Variants in ATAD2B observed in about 807,000 individuals in gnomAD.
The protein encoded by ATAD2B is ATPase family AAA domain-containing protein 2B.
In ATAD2B, 40 loss-of-function variants were observed where a neutral mutation model predicts 167.6. That is an observed-to-expected ratio of 0.24 (90% CI 0.19 to 0.31). The LOEUF (loss-of-function observed/expected upper bound fraction) is 0.31. Among genes scored for constraint, ATAD2B ranks in the 10% least tolerant of loss-of-function variants. The probability of loss-of-function intolerance (pLI) is 1.00; values close to 1 mark genes in which losing one functional copy is unlikely to be tolerated. For synonymous variants in ATAD2B, 579 were observed against 596.5 expected, an observed-to-expected ratio of 0.97 and a Z score of 0.43; for missense variants, 1,242 against 1,757.2, an observed-to-expected ratio of 0.71 and a Z score of 5.24.
chr2:23,691,195 C>T, the ATAD2B span: 159,358 of 187,430 alleles, frequency 0.85, 70,225 homozygotes, highest in East Asian at 1. Flanking sequence ...GCCCTCGGTC[C>T]TGGGGCGATC....
intron 10 of ATAD2B, 30 bp from the exon 11 acceptor site, chr2:23,864,954 A>T (rs779275619): frequency 7.8e-7 from 1 of 1,284,238 alleles, no homozygotes; most frequent in Admixed American, 2.7e-5. Flanking sequence ...ATTTGATATC[A>T]AACAATTTTA....
the ATAD2B span, among the ~76,000 whole-genome samples, chr2:23,732,630 T>C: frequency 6.6e-6 from 1 of 152,160 alleles, no homozygotes; most frequent in East Asian, 1.9e-4. Flanking sequence ...ATGGAAAAAA[T>C]TGATGTTATT....
chr2:23,862,135 T>C (rs1363934843), intron 12 of ATAD2B, among the ~76,000 whole-genome samples: 1 of 151,600 alleles, frequency 6.6e-6, no homozygotes, highest in Non-Finnish European at 1.5e-5. Flanking sequence ...AGTTTGAGGT[T>C]GCAGTGAACT....
At chr2:23,711,455 C>T in the ATAD2B span, among the ~76,000 whole-genome samples, 6 of 139,746 alleles carry the variant, frequency 4.3e-5, no homozygotes, top group African/African-American at 1.1e-4. Flanking sequence ...CTGCAACCTC[C>T]GCCTCCTGGA....
At chr2:23,699,247 G>A in the ATAD2B span, among the ~76,000 whole-genome samples, 1 of 152,312 alleles carries the variant, frequency 6.6e-6, no homozygotes, top group Non-Finnish European at 1.5e-5. Flanking sequence ...GAGGCTCACA[G>A]AAAGAAAGCA....
At chr2:23,905,974 A>G (rs1701421256) in intron 1 of ATAD2B, among the ~76,000 whole-genome samples, 1 of 151,830 alleles carries the variant, frequency 6.6e-6, no homozygotes, top group Admixed American at 6.6e-5. Flanking sequence ...AGTGTAAAGC[A>G]ATTTGAGAAA....
chr2:23,819,998 CAAAT>C, intron 16 of ATAD2B, 116 bp from the exon 17 acceptor site: 1 of 639,624 alleles, frequency 1.6e-6, no homozygotes, highest in East Asian at 2.9e-5. Context: ...AGTTATCTAT[CAAAT>C]AATACAGGCA....
chr2:23,756,529 G>C (rs1000268196), intron 25 of ATAD2B, among the ~76,000 whole-genome samples: 8 of 152,122 alleles, frequency 5.3e-5, no homozygotes, highest in Non-Finnish European at 1.0e-4. Flanking sequence ...AATGTATATT[G>C]AGCAGGGTAG....
intron 10 of ATAD2B, chr2:23,865,996 AGTATTACTAT>A (rs1695070700): frequency 2.3e-6 from 2 of 867,676 alleles, no homozygotes; most frequent in Non-Finnish European, 2.8e-6. Context: ...TTACAATGAA[AGTATTACTAT>A]GATAGAAAAA....
chr2:23,800,543 C>T (rs1471093894), intron 18 of ATAD2B, among the ~76,000 whole-genome samples: 1 of 152,186 alleles, frequency 6.6e-6, no homozygotes, highest in Non-Finnish European at 1.5e-5. Flanking sequence ...TACATACAAT[C>T]ATCACCAGCT....
rs1201336891 is a variant in ATAD2B at position 23,771,117 on chromosome 2, T to C, written c.3134-5489A>G. ...TTCAATTTCCTGTTTGTTGCTAGTA[T>C]ATAGAAAAACAAGTGTTTTACATGC... On this transcript the variant is annotated intron_variant, in intron 22 of 27. Coordinates refer to ENST00000238789, the MANE Select transcript of ATAD2B (RefSeq NM_017552.4). 2.6e-5 allele frequency among the ~76,000 whole-genome samples: 4 copies of C among 152,338 alleles called. No individual in the cohort carries two copies. In the East Asian group the frequency reaches 7.7e-4, roughly 29 times the overall value.
At chr2:23,729,570 G>A in the ATAD2B span, among the ~76,000 whole-genome samples, 1 of 151,960 alleles carries the variant, frequency 6.6e-6, no homozygotes, top group South Asian at 2.1e-4. Context: ...TCTGTTTTAT[G>A]GAATAAGATG....
intron 12 of ATAD2B, 101 bp downstream of exon 12, chr2:23,863,280 T>A (rs1368288347): frequency 1.7e-6 from 2 of 1,209,096 alleles, no homozygotes; most frequent in Non-Finnish European, 2.3e-6. Flanking sequence ...TTGCACTCAC[T>A]CCAGCCTGGG....
chr2:23,926,487 G>A, intron 1 of ATAD2B, 68 bp downstream of exon 1: 1 of 1,506,040 alleles, frequency 6.6e-7, no homozygotes, highest in Non-Finnish European at 8.8e-7. Flanking sequence ...CCCCAACCCG[G>A]CCAGACAAAG....
chr2:23,924,102 G>A (rs1178798601), intron 1 of ATAD2B, among the ~76,000 whole-genome samples: 5 of 106,054 alleles, frequency 4.7e-5, no homozygotes, highest in Non-Finnish European at 1.1e-4. Context: ...AGAATGGCGT[G>A]AACCCCGGGG....
rs1431341614 is a variant in ATAD2B, at chr2:23,757,856, C to T, written c.3640G>A (p.Asp1214Asn). The stretch of plus-strand genomic sequence containing the variant: ...TTAAGCCTCTGCCCCTGGTCCAAGT[C>T]CATGATGTCACAGGATGATTCATCA... The part of the protein sequence containing the change: ...TNDESSCDIM[D>N]LDQGQRLNNG... Residue 1214 changes from aspartate to asparagine, a missense_variant, in exon 25 of 28, where the codon GAC (aspartate) becomes AAC (asparagine). Physicochemically the swap from Asp to Asn is conservative, Grantham distance 23. Around this residue, in one of 9 missense-constraint regions of ATAD2B, gnomAD observed 282 missense variants for 346.8 expected, o/e 0.81. Transcript: ENST00000238789. 6.3e-7 allele frequency: 1 copy of T among 1,587,752 alleles called. No homozygotes were observed. Among genetic ancestry groups the T allele is most frequent in the South Asian group, 1.2e-5 (1 of 85,376 alleles).
At chr2:23,717,090 C>T in the ATAD2B span, among the ~76,000 whole-genome samples, 3 of 152,130 alleles carry the variant, frequency 2.0e-5, no homozygotes, top group African/African-American at 7.2e-5. Context: ...ACCTAAAGAC[C>T]ACTGGACAAC....
At chr2:23,769,781 T>C (rs1241527201) in intron 22 of ATAD2B, among the ~76,000 whole-genome samples, 1 of 143,058 alleles carries the variant, frequency 7.0e-6, no homozygotes, top group African/African-American at 2.6e-5. Flanking sequence ...AGTGGCATAA[T>C]CTGGGCTCAC....
chr2:23,838,765 A>T (rs1380816840), intron 13 of ATAD2B, among the ~76,000 whole-genome samples: 1 of 152,050 alleles, frequency 6.6e-6, no homozygotes, highest in Non-Finnish European at 1.5e-5. Context: ...TTTTACCATA[A>T]ATTAGGCATC....
Sources: gnomAD v4.1 joint callset for allele counts (sites outside exome capture counted in the v4.1 genomes callset) on GRCh38, gnomAD v4.1.1 for gene constraint, gnomAD v4.1.1 regional missense constraint, MANE v1.5 for transcripts, NCBI Gene and HGNC (gene_info 2026-07-23, HGNC 2026-07-21) for gene names.